Variants in PUM3 observed in about 807,000 individuals in gnomAD.
PUM3 encodes the protein pumilio homolog 3.
Under a neutral mutation model 84.0 loss-of-function variants are expected in PUM3, and 91 were observed. That is an observed-to-expected ratio of 1.08 (90% CI 0.91 to 1.29). The LOEUF is 1.29. PUM3 is among the 50% of genes most tolerant of loss of function. The pLI is 0.00. For missense variants in PUM3, 1,067 were observed against 767.5 expected, an observed-to-expected ratio of 1.39 and a Z score of -4.61; for synonymous variants, 321 against 266.7, an observed-to-expected ratio of 1.20 and a Z score of -1.98.
chr9:2,832,644 G>A (rs1816014657), intron 5 of PUM3, among the ~76,000 whole-genome samples: 2 of 152,192 alleles, frequency 1.3e-5, no homozygotes. Context: ...AATTGTCGGA[G>A]CTGAGGGGGC....
At chr9:2,811,840 C>CAAA (rs60586864) in intron 14 of PUM3, among the ~76,000 whole-genome samples, 6 of 101,178 alleles carry the variant, frequency 5.9e-5, no homozygotes, top group African/African-American at 1.7e-4. Context: ...TGTGTAATAC[C>CAAA]AAAAAAAAAA....
chr9:2,819,347 G>A (rs376585358), intron 13 of PUM3, among the ~76,000 whole-genome samples: 5 of 152,178 alleles, frequency 3.3e-5, no homozygotes, highest in African/African-American at 9.7e-5. Flanking sequence ...TGAAGGCAAC[G>A]TTAGCGATAA....
At chr9:2,835,808 T>C (rs1816105269) in intron 3 of PUM3, among the ~76,000 whole-genome samples, 1 of 152,166 alleles carries the variant, frequency 6.6e-6, no homozygotes, top group Non-Finnish European at 1.5e-5. Context: ...GATACAAAAA[T>C]ATGAGAAAAT....
intron 1 of PUM3, among the ~76,000 whole-genome samples, chr9:2,842,026 T>C (rs986327489): frequency 2.0e-5 from 3 of 152,184 alleles, no homozygotes; most frequent in Non-Finnish European, 4.4e-5. Context: ...TGACTGCCAA[T>C]GATTAGGTTT....
rs115143592 is a variant in PUM3, at chr9:2,833,303, G to A, written c.516+54C>T. ...GTCATGAATGGTCAGCTACTCCTGAGAGTGAGGCAACTTCAACTGTTAAAA... is the reference window on the plus strand; with the variant it reads ...GTCATGAATGGTCAGCTACTCCTGAAAGTGAGGCAACTTCAACTGTTAAAA... On this transcript the variant is annotated intron_variant, in intron 5 of 17. Coordinates refer to ENST00000397885, the MANE Select transcript of PUM3 (RefSeq NM_014878.5). The A allele has an allele frequency of 7.3e-5, 67 of 923,686 alleles. 1 individual carries two copies. In the African/African-American group the frequency reaches 8.4e-4, roughly 12 times the overall value. The allele number at this position is 923,686 out of a possible 1,614,324, so 57.2% of individuals were successfully genotyped here. A position where few individuals can be genotyped will look rare whatever the true frequency, so the allele number is the denominator to read the frequency against.
At chr9:2,820,203 A>G (rs76322863) in intron 12 of PUM3, 105 bp from the exon 13 acceptor site, 1 of 239,964 alleles carries the variant, frequency 4.2e-6, no homozygotes, top group Non-Finnish European at 7.9e-6. Flanking sequence ...ACTCCGCTCA[A>G]AAAAAAAAAA....
Position 2,804,219 on chromosome 9 carries a change from A to G in PUM3, c.*112T>C. On this transcript the variant is annotated 3_prime_UTR_variant, in exon 18 of 18. Coordinates refer to ENST00000397885, the MANE Select transcript of PUM3 (RefSeq NM_014878.5). ...ATTCGTATACAAAGAAGAAACACAT[A>G]TACAGAGTACCCCAATTACCAGTAT... 1 of 1,050,840 alleles carries G rather than the reference A, an allele frequency of 9.5e-7. No homozygotes were observed. The highest frequency in any genetic ancestry group is 1.4e-6 in the Non-Finnish European group (1 of 722,484). The allele number at this position is 1,050,840 out of a possible 1,614,324, so 65.1% of individuals were successfully genotyped here.
intron 9 of PUM3, among the ~76,000 whole-genome samples, chr9:2,828,072 C>T (rs1218391445): frequency 6.6e-6 from 1 of 152,146 alleles, no homozygotes; most frequent in Non-Finnish European, 1.5e-5. Context: ...CAAGGTCTCA[C>T]TCTGTTGCCT....
intron 8 of PUM3, among the ~76,000 whole-genome samples, chr9:2,829,252 A>G (rs1232889534): frequency 6.6e-6 from 1 of 152,244 alleles, no homozygotes; most frequent in African/African-American, 2.4e-5. Context: ...AAGGTTTGAA[A>G]TAGATTCTTT....
At chr9:2,822,639 G>A (rs539535818) in intron 12 of PUM3, among the ~76,000 whole-genome samples, 1 of 150,510 alleles carries the variant, frequency 6.6e-6, no homozygotes, top group East Asian at 1.9e-4. Flanking sequence ...TCATTTTAAT[G>A]TAAGGTATTC....
chr9:2,810,096 G>A (rs180907455), intron 16 of PUM3, among the ~76,000 whole-genome samples: 113 of 151,222 alleles, frequency 7.5e-4, no homozygotes, highest in Non-Finnish European at 1.2e-3. Flanking sequence ...GAGAGAGTGA[G>A]GGGGCGGTGG....
chr9:2,836,064 T>G (rs1270894405), intron 3 of PUM3, among the ~76,000 whole-genome samples: 1 of 151,648 alleles, frequency 6.6e-6, no homozygotes, highest in Non-Finnish European at 1.5e-5. Context: ...AAAGAAAAAA[T>G]GAAAAGAGAA....
chr9:2,835,210 T>C (rs1563835327), intron 3 of PUM3, among the ~76,000 whole-genome samples: 1 of 152,086 alleles, frequency 6.6e-6, no homozygotes, highest in African/African-American at 2.4e-5. Context: ...GCCAGGAGTT[T>C]GAGATCAGCC....
Position 2,812,366 on chromosome 9 carries a change from T to C in PUM3, c.1270-4A>G. ...TAGGCAATGAACTGATAATTTCCTA[T>C]AAAATTATAAACAAAAAAAAAGAAT... On this transcript the variant is annotated splice_polypyrimidine_tract_variant and splice_region_variant and intron_variant, in intron 13 of 17. Coordinates refer to ENST00000397885, the MANE Select transcript of PUM3 (RefSeq NM_014878.5). 1.3e-6 allele frequency: 2 copies of C among 1,529,144 alleles called. No homozygotes were observed. Among genetic ancestry groups the C allele is most frequent in the Non-Finnish European group, 1.8e-6 (2 of 1,117,952 alleles). The allele number at this position is 1,529,144 out of a possible 1,614,324, so 94.7% of individuals were successfully genotyped here.
chr9:2,826,636 G>C (rs905736371), intron 10 of PUM3, among the ~76,000 whole-genome samples: 2 of 152,080 alleles, frequency 1.3e-5, no homozygotes, highest in African/African-American at 4.8e-5. Context: ...CCTTCACTCT[G>C]TTCTTCTATG....
intron 13 of PUM3, among the ~76,000 whole-genome samples, chr9:2,817,543 A>T (rs1178783171): frequency 9.2e-5 from 14 of 152,368 alleles, no homozygotes; most frequent in African/African-American, 3.1e-4. Context: ...ATGCAGAAAA[A>T]TACATGTAAG....
Position 2,807,897 on chromosome 9 carries a change from A to C in PUM3, c.1731T>G (p.Phe577Leu), listed in dbSNP as rs759596905. The C allele has an allele frequency of 1.2e-6, 2 of 1,608,878 alleles. No homozygotes were observed. Among genetic ancestry groups the C allele is most frequent in the East Asian group, 4.5e-5 (2 of 44,836 alleles). The change falls in exon 17 of 18, where the codon TTT becomes TTG. Residue 577 changes from phenylalanine to leucine, a missense_variant. By Grantham distance (22) the Phe-to-Leu change is conservative (BLOSUM62 0). Coordinates refer to ENST00000397885, the MANE Select transcript of PUM3 (RefSeq NM_014878.5). ...CAACATGCTCTACAAGTGTTTTTGC[A>C]AAACAACCTGTAAAATATACTGAAG... ...KMKENGREGC[F>L]AKTLVEHVGM...
At chr9:2,820,201 C>CAAAAAAA in intron 12 of PUM3, 103 bp from the exon 13 acceptor site, 1 of 146,914 alleles carries the variant, frequency 6.8e-6, no homozygotes. Flanking sequence ...AGACTCCGCT[C>CAAAAAAA]AAAAAAAAAA....
Position 2,823,881 on chromosome 9 carries a change from G to C in PUM3, c.1135-47C>G, listed in dbSNP as rs769238771. ...CACTGAATTTTCAGTTATGTATTAA[G>C]GGTATTTTGTAGTTAAACATTTTAA... On this transcript the variant is annotated intron_variant, in intron 11 of 17. Coordinates refer to ENST00000397885, the MANE Select transcript of PUM3 (RefSeq NM_014878.5). 11 of 1,001,256 alleles carry C rather than the reference G, an allele frequency of 1.1e-5. No homozygotes were observed. In the East Asian group the frequency reaches 2.6e-4, roughly 24 times the overall value. 62.0% of individuals were successfully genotyped at this position (1,001,256 alleles called of 1,614,324 possible).
Sources: gnomAD v4.1 joint callset for allele counts (sites outside exome capture counted in the v4.1 genomes callset) on GRCh38, gnomAD v4.1.1 for gene constraint, MANE v1.5 for transcripts, NCBI Gene and HGNC (gene_info 2026-07-23, HGNC 2026-07-21) for gene names.